Variants in GALNTL6 observed in about 807,000 individuals in gnomAD.
GALNTL6 encodes polypeptide N-acetylgalactosaminyltransferase like 6, also known as polypeptide N-acetylgalactosaminyltransferase-like 6.
A neutral mutation model predicts 73.7 loss-of-function variants in GALNTL6; 46 were observed. The ratio of observed to expected loss-of-function variants is 0.62; its 90% CI spans 0.49 to 0.80. The LOEUF (loss-of-function observed/expected upper bound fraction) is 0.80, where lower values mean the gene tolerates loss of function less well. GALNTL6 is among the 30% of genes least tolerant of loss of function. The pLI is 0.00. For missense variants in GALNTL6, 604 were observed against 755.0 expected (o/e 0.80, Z 2.34); for synonymous variants, 259 against 263.7 (o/e 0.98, Z 0.17).
At chr4:172,936,925 C>A (rs1214610545) in intron 9 of GALNTL6, among the ~76,000 whole-genome samples, 1 of 152,012 alleles carries the variant, frequency 6.6e-6, no homozygotes, top group African/African-American at 2.4e-5. Flanking sequence ...GGTCTATGAA[C>A]CGAGGTCTGT....
At chr4:172,427,802 C>A (rs1279350691) in intron 5 of GALNTL6, among the ~76,000 whole-genome samples, 5 of 152,076 alleles carry the variant, frequency 3.3e-5, no homozygotes, top group Non-Finnish European at 5.9e-5. Flanking sequence ...AACACCGTAA[C>A]TATATTTTGA....
chr4:172,725,696 G>A (rs1735755785), intron 5 of GALNTL6, among the ~76,000 whole-genome samples: 1 of 152,140 alleles, frequency 6.6e-6, no homozygotes, highest in Admixed American at 6.5e-5. Context: ...CTTGCGTTCT[G>A]CTTTAAAGAG....
At chr4:172,255,754 G>A (rs904838596) in intron 3 of GALNTL6, among the ~76,000 whole-genome samples, 1 of 151,192 alleles carries the variant, frequency 6.6e-6, no homozygotes, top group African/African-American at 2.4e-5. Context: ...TGTGAGCTTT[G>A]ATATTTTTTC....
At chr4:172,603,166 A>G (rs1227433103) in intron 5 of GALNTL6, among the ~76,000 whole-genome samples, 2 of 152,232 alleles carry the variant, frequency 1.3e-5, no homozygotes, top group African/African-American at 4.8e-5. Flanking sequence ...GTTTGACAGT[A>G]GTTATACAGG....
At chr4:172,730,783 A>T (rs1579406764) in intron 5 of GALNTL6, among the ~76,000 whole-genome samples, 1 of 152,116 alleles carries the variant, frequency 6.6e-6, no homozygotes, top group Non-Finnish European at 1.5e-5. Flanking sequence ...TTTTTGTAAG[A>T]GTTTGAATAG....
chr4:172,558,707 T>G (rs1162629102), intron 5 of GALNTL6, among the ~76,000 whole-genome samples: 1 of 152,272 alleles, frequency 6.6e-6, no homozygotes, highest in East Asian at 1.9e-4. Context: ...GAGTATATGC[T>G]TGTCAAAACT....
chr4:172,828,941 C>G lies in GALNTL6; in HGVS notation c.923+15218C>G, dbSNP rs573360635. Among the ~76,000 whole-genome samples, 12 of 152,286 alleles carry G rather than the reference C, an allele frequency of 7.9e-5. No individual in the cohort carries two copies. In the South Asian group the frequency reaches 2.3e-3, roughly 29 times the overall value. On this transcript the variant is annotated intron_variant, in intron 7 of 12. Transcript: ENST00000506823. ...CTCACAGTCCTGGAGGGCAAGAAGT[C>G]CTAAGTCAAGGTGTCGGCGGAGCTA... is the stretch of plus-strand genomic sequence containing the variant.
intron 5 of GALNTL6, among the ~76,000 whole-genome samples, chr4:172,765,009 T>A (rs1032378686): frequency 2.6e-5 from 4 of 152,226 alleles, no homozygotes; most frequent in African/African-American, 9.6e-5. Flanking sequence ...GGGAATAAGC[T>A]ATCATTCTCT....
chr4:172,450,709 T>C (rs1261577171), intron 5 of GALNTL6, among the ~76,000 whole-genome samples: 4 of 152,222 alleles, frequency 2.6e-5, no homozygotes, highest in Admixed American at 6.5e-5. Context: ...GGCTTCCTTT[T>C]TGTCTTTTGA....
intron 2 of GALNTL6, among the ~76,000 whole-genome samples, chr4:172,017,081 G>A (rs562539272): frequency 4.6e-5 from 7 of 152,132 alleles, no homozygotes; most frequent in East Asian, 1.9e-4. Flanking sequence ...AGTTATTCCT[G>A]AGTAGGCACT....
intron 2 of GALNTL6, among the ~76,000 whole-genome samples, chr4:171,909,843 C>T (rs1737421023): frequency 6.6e-6 from 1 of 151,968 alleles, no homozygotes; most frequent in South Asian, 2.1e-4. Context: ...TGTAAGTGTT[C>T]AGTATTTAGG....
At chr4:172,982,956 C>T (rs564179350) in intron 10 of GALNTL6, among the ~76,000 whole-genome samples, 1 of 151,900 alleles carries the variant, frequency 6.6e-6, no homozygotes, top group Non-Finnish European at 1.5e-5. Context: ...ATAGAGAGTG[C>T]AATAATAGAC....
intron 5 of GALNTL6, among the ~76,000 whole-genome samples, chr4:172,487,355 TTTCC>T (rs1733728783): frequency 4.3e-5 from 5 of 115,786 alleles, no homozygotes; most frequent in African/African-American, 8.9e-5. Context: ...TCTTTCTTTC[TTTCC>T]TTCTTTCCTT....
intron 7 of GALNTL6, among the ~76,000 whole-genome samples, chr4:172,826,293 T>G (rs1343502435): frequency 6.6e-6 from 1 of 152,238 alleles, no homozygotes; most frequent in Non-Finnish European, 1.5e-5. Context: ...GGAGAATTGC[T>G]CCTTAGCGTC....
chr4:172,859,076 G>T (rs988813624), intron 7 of GALNTL6, among the ~76,000 whole-genome samples: 1 of 146,804 alleles, frequency 6.8e-6, no homozygotes, highest in Non-Finnish European at 1.5e-5. Flanking sequence ...TAAAGGAAAA[G>T]AAAATGGGGT....
chr4:171,861,679 A>G (rs1020297892), intron 2 of GALNTL6, among the ~76,000 whole-genome samples: 1 of 152,134 alleles, frequency 6.6e-6, no homozygotes, highest in African/African-American at 2.4e-5. Flanking sequence ...ATTATTATTT[A>G]TATCATCCAC....
intron 2 of GALNTL6, among the ~76,000 whole-genome samples, chr4:171,983,600 T>C (rs1233467000): frequency 6.6e-6 from 1 of 152,032 alleles, no homozygotes; most frequent in Non-Finnish European, 1.5e-5. Flanking sequence ...CAAGAGATCC[T>C]CTCACCTGAG....
At chr4:172,672,337 C>T (rs530436975) in intron 5 of GALNTL6, among the ~76,000 whole-genome samples, 1 of 152,322 alleles carries the variant, frequency 6.6e-6, no homozygotes, top group East Asian at 1.9e-4. Context: ...GCTGAACCAA[C>T]GTTGCATCCA....
chr4:172,663,378 T>TA (rs1474420289), intron 5 of GALNTL6, among the ~76,000 whole-genome samples: 5 of 125,422 alleles, frequency 4.0e-5, no homozygotes, highest in Admixed American at 4.0e-4. Flanking sequence ...CTGGAAATAC[T>TA]AATATTAAGT....
Sources: gnomAD v4.1 joint callset for allele counts (sites outside exome capture counted in the v4.1 genomes callset) on GRCh38, gnomAD v4.1.1 for gene constraint, MANE v1.5 for transcripts, NCBI Gene and HGNC (gene_info 2026-07-23, HGNC 2026-07-21) for gene names.